The following KCND2 variants were observed in gnomAD, a reference collection of about 807,000 sequenced individuals.
KCND2 encodes the protein potassium voltage-gated channel subfamily D member 2.
KCND2 carries 16 observed loss-of-function variants against 54.4 expected under a neutral mutation model. That is an observed-to-expected ratio of 0.29 (90% CI 0.20 to 0.45). The LOEUF is 0.45. Ranked by LOEUF, KCND2 falls within the 20% of genes least tolerant of loss-of-function variation. KCND2 has a pLI of 1.00. For synonymous variants in KCND2, 317 were observed against 310.7 expected, an observed-to-expected ratio of 1.02 and a Z score of -0.21; for missense variants, 486 against 824.2, an observed-to-expected ratio of 0.59 and a Z score of 5.02.
chr7:120,571,001 C>T (rs1172141671), intron 1 of KCND2, among the ~76,000 whole-genome samples: 1 of 152,190 alleles, frequency 6.6e-6, no homozygotes, highest in Non-Finnish European at 1.5e-5. Flanking sequence ...GGAGACCCTG[C>T]ACGCTGCTCA....
In KCND2 at chr7:120,485,608, T is replaced by A. The variant is rs188624910; in HGVS notation, c.1115+209861T>A. On this transcript the variant is annotated intron_variant, in intron 1 of 5. Transcript: ENST00000331113. Reference sequence around the variant, plus strand: ...ATGGACAAAAACCATGTACTAGATATGTAGATGACAGTAGAGGATGCTTTT... The same window carrying A: ...ATGGACAAAAACCATGTACTAGATAAGTAGATGACAGTAGAGGATGCTTTT... Among the ~76,000 whole-genome samples the A allele has an allele frequency of 3.3e-5, 5 of 152,290 alleles. No homozygotes were observed. The East Asian group carries it at 9.6e-4, about 29-fold the overall frequency.
intron 1 of KCND2, among the ~76,000 whole-genome samples, chr7:120,713,333 T>A (rs1792564433): frequency 6.6e-6 from 1 of 152,104 alleles, no homozygotes; most frequent in Non-Finnish European, 1.5e-5. Context: ...AAGTAGGAAG[T>A]GAATATTCGT....
chr7:120,388,212 A>G (rs1348598411), intron 1 of KCND2, among the ~76,000 whole-genome samples: 3 of 152,046 alleles, frequency 2.0e-5, no homozygotes. Flanking sequence ...ACCTTTTTTT[A>G]TATAATTGAA....
intron 1 of KCND2, among the ~76,000 whole-genome samples, chr7:120,722,786 A>C (rs1792684848): frequency 6.6e-6 from 1 of 152,184 alleles, no homozygotes; most frequent in African/African-American, 2.4e-5. Context: ...AAGGCTGCCT[A>C]ACTGACATTC....
At chr7:120,434,477 G>A (rs1019149355) in intron 1 of KCND2, among the ~76,000 whole-genome samples, 4 of 152,148 alleles carry the variant, frequency 2.6e-5, no homozygotes, top group Non-Finnish European at 4.4e-5. Flanking sequence ...TCAGCACTCT[G>A]TCTCCGCTCC....
chr7:120,636,925 G>T (rs557981105), intron 1 of KCND2, among the ~76,000 whole-genome samples: 1 of 152,190 alleles, frequency 6.6e-6, no homozygotes, highest in South Asian at 2.1e-4. Context: ...TTAGGAACTT[G>T]CATAACTATG....
chr7:120,720,987 C>T (rs1792658696), intron 1 of KCND2, among the ~76,000 whole-genome samples: 1 of 152,066 alleles, frequency 6.6e-6, no homozygotes. Context: ...ATTTAATGTA[C>T]TTAGAATGTG....
chr7:120,553,417 C>T (rs974231857), intron 1 of KCND2, among the ~76,000 whole-genome samples: 9 of 152,186 alleles, frequency 5.9e-5, no homozygotes, highest in Non-Finnish European at 1.3e-4. Flanking sequence ...TTTTTCTTAT[C>T]CATTCATCCA....
At chr7:120,587,305 T>G (rs939299270) in intron 1 of KCND2, among the ~76,000 whole-genome samples, 1 of 152,170 alleles carries the variant, frequency 6.6e-6, no homozygotes, top group African/African-American at 2.4e-5. Flanking sequence ...AGCTGGAGTT[T>G]CCAGAAGGGA....
At chr7:120,337,753 T>G (rs891847281) in intron 1 of KCND2, among the ~76,000 whole-genome samples, 3 of 152,208 alleles carry the variant, frequency 2.0e-5, no homozygotes, top group Non-Finnish European at 4.4e-5. Context: ...AATAACTGAT[T>G]ATTCGTTTAC....
chr7:120,443,480 C>G (rs1042340280), intron 1 of KCND2, among the ~76,000 whole-genome samples: 4 of 151,862 alleles, frequency 2.6e-5, no homozygotes, highest in Non-Finnish European at 5.9e-5. Context: ...AATTTCCTTA[C>G]TATTTATTCT....
chr7:120,618,178 GAAATA>G (rs1793053123), intron 1 of KCND2, among the ~76,000 whole-genome samples: 1 of 152,126 alleles, frequency 6.6e-6, no homozygotes, highest in Non-Finnish European at 1.5e-5. Flanking sequence ...TGAAATAAAA[GAAATA>G]AAATAAATAA....
chr7:120,534,430 A>G (rs371100735), intron 1 of KCND2, among the ~76,000 whole-genome samples: 1 of 152,222 alleles, frequency 6.6e-6, no homozygotes, highest in African/African-American at 2.4e-5. Flanking sequence ...AAAACCACCA[A>G]ATGAGTATTC....
At chr7:120,547,908 TAGAA>T (rs898387387) in intron 1 of KCND2, among the ~76,000 whole-genome samples, 1 of 151,998 alleles carries the variant, frequency 6.6e-6, no homozygotes, top group African/African-American at 2.4e-5. Context: ...TTTCTCAGGA[TAGAA>T]AGAAACGGCA....
At chr7:120,443,645 A>G (rs540061979) in intron 1 of KCND2, among the ~76,000 whole-genome samples, 2 of 151,900 alleles carry the variant, frequency 1.3e-5, no homozygotes, top group East Asian at 1.9e-4. Context: ...CTCAATTCCA[A>G]TACTTTCAAA....
At chr7:120,735,463 T>C (rs1792858928) in intron 2 of KCND2, among the ~76,000 whole-genome samples, 1 of 152,130 alleles carries the variant, frequency 6.6e-6, no homozygotes, top group African/African-American at 2.4e-5. Context: ...GCCAACTGTA[T>C]GAAAACTATA....
chr7:120,741,456 G>A (rs887693518), intron 2 of KCND2, 78 bp from the exon 3 acceptor site: 5 of 967,284 alleles, frequency 5.2e-6, no homozygotes, highest in Admixed American at 1.8e-5. Context: ...CTGACAATAG[G>A]ATTATACAAG....
Position 120,678,773 on chromosome 7 carries a change from T to C in KCND2, c.1116-54130T>C, listed in dbSNP as rs902130852. Among the ~76,000 whole-genome samples the C allele has an allele frequency of 2.4e-4, 28 of 114,588 alleles. 1 individual carries two copies. In the East Asian group the frequency reaches 3.2e-3, roughly 13 times the overall value. 75.2% of individuals were successfully genotyped at this position (114,588 alleles called of 152,430 possible). A position where few individuals can be genotyped will look rare whatever the true frequency, so the allele number is the denominator to read the frequency against. On this transcript the variant is annotated intron_variant, in intron 1 of 5. Coordinates refer to ENST00000331113, the MANE Select transcript of KCND2 (RefSeq NM_012281.3). ...ATATATATATATATATATATATATA[T>C]ATATACACATAAACACACACATTCT...
At chr7:120,310,183 G>A (rs867706063) in intron 1 of KCND2, among the ~76,000 whole-genome samples, 6 of 152,068 alleles carry the variant, frequency 3.9e-5, no homozygotes, top group Non-Finnish European at 8.8e-5. Context: ...AACACACAAT[G>A]TTAATTTTAT....
Sources: allele counts gnomAD v4.1 joint callset (sites outside exome capture counted in the v4.1 genomes callset), GRCh38; gene constraint gnomAD v4.1.1; transcripts MANE v1.5; gene names NCBI Gene and HGNC (gene_info 2026-07-23, HGNC 2026-07-21).